The following ZRANB3 variants were observed in gnomAD, a reference collection of about 807,000 sequenced individuals.
ZRANB3 encodes the protein zinc finger RANBP2-type containing 3.
A neutral mutation model predicts 133.8 loss-of-function variants in ZRANB3; 125 were observed. That is an observed-to-expected ratio of 0.93 (90% CI 0.81 to 1.08). The LOEUF is 1.08. ZRANB3 is among the 50% of genes least tolerant of loss of function. The probability of loss-of-function intolerance (pLI) is 0.00; values close to 1 mark genes in which losing one functional copy is unlikely to be tolerated. For synonymous variants in ZRANB3, 387 were observed against 432.7 expected, an observed-to-expected ratio of 0.89 and a Z score of 1.31; for missense variants, 1,229 against 1,275.5, an observed-to-expected ratio of 0.96 and a Z score of 0.56.
intron 8 of ZRANB3, among the ~76,000 whole-genome samples, chr2:135,280,124 G>A (rs16831517): frequency 0.061 from 9,350 of 152,160 alleles, 569 homozygotes; most frequent in African/African-American, 0.16. Context: ...CAGCATCTTG[G>A]TAGTGTCGGT....
At chr2:135,471,970 C>A (rs1405223265) in intron 2 of ZRANB3, among the ~76,000 whole-genome samples, 3 of 152,020 alleles carry the variant, frequency 2.0e-5, no homozygotes, top group Non-Finnish European at 4.4e-5. Context: ...GATGAAGGCT[C>A]CCAAAGGAAG....
chr2:135,394,276 A>G (rs1687378076), intron 2 of ZRANB3, among the ~76,000 whole-genome samples: 1 of 152,244 alleles, frequency 6.6e-6, no homozygotes, highest in African/African-American at 2.4e-5. Flanking sequence ...CCATTTCAGT[A>G]AAAATACCTG....
chr2:135,207,725 A>C lies in ZRANB3; in HGVS notation c.2718T>G (p.Asn906Lys), dbSNP rs754701885. 1.2e-6 allele frequency: 2 copies of C among 1,614,026 alleles called. No individual in the cohort carries two copies. The highest frequency in any genetic ancestry group is 1.1e-5 in the South Asian group (1 of 91,080). ...AGCGAAGGCAAAGTGGATTTCCTTCATTATCCACAGCTTGCAAATAGCCTT... is the reference window on the plus strand; with the variant it reads ...AGCGAAGGCAAAGTGGATTTCCTTCCTTATCCACAGCTTGCAAATAGCCTT... The part of the protein sequence containing the change: ...TSKGYLQAVD[N>K]EGNPLCLRCQ... The change falls in exon 19 of 21, where the codon AAT becomes AAG. Residue 906 changes from asparagine to lysine, a missense_variant. Asn to Lys is a moderately conservative substitution (Grantham distance 94, BLOSUM62 0). Coordinates refer to ENST00000264159, the MANE Select transcript of ZRANB3 (RefSeq NM_032143.4).
At chr2:135,206,599 G>A (rs913373161) in intron 19 of ZRANB3, among the ~76,000 whole-genome samples, 1 of 151,778 alleles carries the variant, frequency 6.6e-6, no homozygotes, top group Non-Finnish European at 1.5e-5. Context: ...TTAAGGAATT[G>A]TAATTGTGTT....
chr2:135,489,448 TA>T lies in ZRANB3; in HGVS notation c.161+14880del, dbSNP rs978088536. Among the ~76,000 whole-genome samples the T allele has an allele frequency of 3.0e-4, 45 of 151,708 alleles. 1 individual carries two copies. Among genetic ancestry groups the T allele is most frequent in the Admixed American group, 1.7e-3 (26 of 15,254 alleles). On this transcript the variant is annotated intron_variant, in intron 2 of 20. Transcript: ENST00000264159. ...CATTGTGCACATGTACCCTAAAACTTAAAGTATAATAATAATAAAATAAAAT... is the reference window on the plus strand; with the variant it reads ...CATTGTGCACATGTACCCTAAAACTTAAGTATAATAATAATAAAATAAAAT...
chr2:135,457,660 C>T (rs1690588851), intron 2 of ZRANB3, among the ~76,000 whole-genome samples: 1 of 151,918 alleles, frequency 6.6e-6, no homozygotes, highest in African/African-American at 2.4e-5. Context: ...GATACAAGTC[C>T]CTTATCAGAA....
At chr2:135,432,935 G>A (rs899282940) in intron 2 of ZRANB3, among the ~76,000 whole-genome samples, 1 of 152,184 alleles carries the variant, frequency 6.6e-6, no homozygotes, top group African/African-American at 2.4e-5. Context: ...GGCATTAGGA[G>A]CCTGTGCCTC....
intron 1 of ZRANB3, among the ~76,000 whole-genome samples, chr2:135,528,332 G>C (rs1014859165): frequency 2.6e-5 from 4 of 151,878 alleles, no homozygotes; most frequent in Non-Finnish European, 5.9e-5. Context: ...ATTTTTTGTA[G>C]AGACTGAAAT....
intron 8 of ZRANB3, among the ~76,000 whole-genome samples, chr2:135,283,994 C>A (rs1681223045): frequency 6.6e-6 from 1 of 152,034 alleles, no homozygotes; most frequent in African/African-American, 2.4e-5. Context: ...TAAAAAAAAT[C>A]ACTAATAGAA....
Position 135,424,293 on chromosome 2 carries a change from G to C in ZRANB3, c.162-33473C>G, listed in dbSNP as rs552081565. ...TTGAGGAAAATTTTCACAAAACAGA[G>C]CAAAAAGATGAGCTCAAAAAGAGGA... On this transcript the variant is annotated intron_variant, in intron 2 of 20. Transcript: ENST00000264159. Among the ~76,000 whole-genome samples the C allele has an allele frequency of 7.2e-5, 11 of 151,740 alleles. No individual in the cohort carries two copies. The South Asian group carries it at 2.3e-3, about 32-fold the overall frequency.
rs1212661843 is a variant in ZRANB3, at chr2:135,207,191, T to TAAATAATA, written c.3009+242_3009+243insTATTATTT. ...CAAAATAAATAAATAAATAAATAAATAATAAATAAATAAATAAATAAATAA... is the reference window on the plus strand; with the variant it reads ...CAAAATAAATAAATAAATAAATAAATAAATAATAAATAAATAAATAAATAAATAAATAA... On this transcript the variant is annotated intron_variant, in intron 19 of 20. Transcript: ENST00000264159. Among the ~76,000 whole-genome samples the TAAATAATA allele has an allele frequency of 2.7e-3, 406 of 149,520 alleles. 1 individual carries two copies. The highest frequency in any genetic ancestry group is 9.3e-3 in the African/African-American group (378 of 40,728).
intron 18 of ZRANB3, among the ~76,000 whole-genome samples, chr2:135,208,666 C>T (rs1029566194): frequency 3.3e-5 from 5 of 152,208 alleles, no homozygotes; most frequent in African/African-American, 1.2e-4. Flanking sequence ...TCTCAGTGTC[C>T]TTCTTCATCT....
chr2:135,218,468 A>T (rs1694402746), intron 16 of ZRANB3, among the ~76,000 whole-genome samples: 1 of 152,254 alleles, frequency 6.6e-6, no homozygotes, highest in South Asian at 2.1e-4. Context: ...TTCATTTAAA[A>T]CAGGTATAGT....
At chr2:135,336,657 A>C (rs546465194) in intron 6 of ZRANB3, among the ~76,000 whole-genome samples, 1 of 152,352 alleles carries the variant, frequency 6.6e-6, no homozygotes, top group African/African-American at 2.4e-5. Flanking sequence ...TGTCCTCCAC[A>C]ATCATAAAGC....
intron 8 of ZRANB3, among the ~76,000 whole-genome samples, chr2:135,292,298 T>A (rs543841953): frequency 6.6e-6 from 1 of 152,192 alleles, no homozygotes; most frequent in Non-Finnish European, 1.5e-5. Context: ...CTAACTGGTG[T>A]GAGATGGTAT....
chr2:135,291,803 T>A (rs1024011986), intron 8 of ZRANB3, among the ~76,000 whole-genome samples: 18 of 151,284 alleles, frequency 1.2e-4, no homozygotes, highest in Admixed American at 4.6e-4. Flanking sequence ...TGTCCATGTG[T>A]TCTCATTCTT....
intron 5 of ZRANB3, among the ~76,000 whole-genome samples, chr2:135,348,572 T>C (rs1470836315): frequency 6.6e-6 from 1 of 152,126 alleles, no homozygotes; most frequent in Non-Finnish European, 1.5e-5. Context: ...ATTATTGTCA[T>C]TTGAAATGTA....
intron 1 of ZRANB3, among the ~76,000 whole-genome samples, chr2:135,507,247 G>GA (rs961884398): frequency 2.6e-5 from 4 of 151,932 alleles, no homozygotes; most frequent in South Asian, 2.1e-4. Context: ...AAATTGGGTA[G>GA]AAAAAAAATC....
At chr2:135,451,416 G>T (rs948564164) in intron 2 of ZRANB3, among the ~76,000 whole-genome samples, 10 of 151,946 alleles carry the variant, frequency 6.6e-5, no homozygotes, top group African/African-American at 2.2e-4. Flanking sequence ...ACAAAACTTA[G>T]CCAGGCAAAG....
Sources: allele counts gnomAD v4.1 joint callset (sites outside exome capture counted in the v4.1 genomes callset), GRCh38; gene constraint gnomAD v4.1.1; transcripts MANE v1.5; gene names NCBI Gene and HGNC (gene_info 2026-07-23, HGNC 2026-07-21).